Variants in LTBP2 observed in about 807,000 individuals in gnomAD.
LTBP2 encodes latent transforming growth factor beta binding protein 2, also known as latent-transforming growth factor beta-binding protein 2.
In LTBP2, 103 loss-of-function variants were observed where a neutral mutation model predicts 210.6. The observed-to-expected ratio is 0.49, with a 90% CI of 0.42 to 0.58. LTBP2 has a LOEUF of 0.58. LTBP2 is among the 20% of genes least tolerant of loss of function. LTBP2 has a pLI of 0.00. For missense variants in LTBP2, 2,313 were observed against 2,494.5 expected, an observed-to-expected ratio of 0.93 and a Z score of 1.55; for synonymous variants, 1,007 against 1,015.0, an observed-to-expected ratio of 0.99 and a Z score of 0.15.
At chr14:74,535,175 C>T (rs988542449) in intron 9 of LTBP2, among the ~76,000 whole-genome samples, 2 of 152,102 alleles carry the variant, frequency 1.3e-5, no homozygotes, top group African/African-American at 4.8e-5. Flanking sequence ...CTAGGAATCA[C>T]TTCTGCAGCC....
chr14:74,503,086 C>G lies in LTBP2; in HGVS notation c.4888+133G>C. 2.0e-6 allele frequency: 3 copies of G among 1,498,320 alleles called. No homozygotes were observed. The South Asian group carries it at 3.5e-5, about 17-fold the overall frequency. 92.8% of individuals were successfully genotyped at this position (1,498,320 alleles called of 1,614,324 possible). On this transcript the variant is annotated intron_variant, in intron 33 of 35. Coordinates refer to ENST00000261978, the MANE Select transcript of LTBP2 (RefSeq NM_000428.3). ...CACCTCTCCCCTGCCCTACTTTGTC[C>G]CCAAACAGCAGGGATGGAAGACAGG... is the stretch of plus-strand genomic sequence containing the variant.
chr14:74,528,677 G>C lies in LTBP2; in HGVS notation c.2174C>G (p.Pro725Arg), dbSNP rs759351792. The C allele has an allele frequency of 6.2e-7, 1 of 1,612,648 alleles. No homozygotes were observed. The highest frequency in any genetic ancestry group is 8.5e-7 in the Non-Finnish European group (1 of 1,180,030). ...CGCGTAGGTGTAGCCGTGGCCGGCA[G>C]GGCAGATCTCTCTGAAGGCCTCTGC... ...PGTEAFREIC[P>R]AGHGYTYASS... is the part of the protein sequence containing the mutation. The change falls in exon 12 of 36, where the codon CCT (proline) becomes CGT (arginine). Residue 725 changes from proline to arginine, a missense_variant. Around this residue, in one of 3 missense-constraint regions of LTBP2, gnomAD observed 1,867 missense variants for 1,976.9 expected, o/e 0.94. Coordinates refer to ENST00000261978, the MANE Select transcript of LTBP2 (RefSeq NM_000428.3).
Position 74,510,181 on chromosome 14 carries a change from C to T in LTBP2, c.3061G>A (p.Ala1021Thr), listed in dbSNP as rs1187058672. The T allele has an allele frequency of 6.2e-7, 1 of 1,614,030 alleles. No homozygotes were observed. The highest frequency in any genetic ancestry group is 8.5e-7 in the Non-Finnish European group (1 of 1,180,012). ...TCTAGGTTGGTGCACTTTCCATGGG[C>T]ACAGACCCCGGGAGTCAGACACTCA... ...VNECLTPGVC[A>T]HGKCTNLEGS... Residue 1021 changes from alanine (A) to threonine (T), a missense_variant, in exon 20 of 36, where the codon GCC becomes ACC. Transcript: ENST00000261978.
chr14:74,605,338 T>C (rs907823291), intron 1 of LTBP2, among the ~76,000 whole-genome samples: 3 of 152,188 alleles, frequency 2.0e-5, no homozygotes, highest in African/African-American at 7.2e-5. Flanking sequence ...ACTGCCTCCC[T>C]CCCAGGGAGC....
chr14:74,529,935 A>T (rs1352226955), intron 10 of LTBP2, among the ~76,000 whole-genome samples: 1 of 152,182 alleles, frequency 6.6e-6, no homozygotes, highest in Non-Finnish European at 1.5e-5. Context: ...AAAGTTTAGG[A>T]ATGAATGATT....
In LTBP2 at chr14:74,504,781, T is replaced by C. The variant is rs1171386382; in HGVS notation, c.4450A>G (p.Thr1484Ala). ...GAWTFGQTMY[T>A]DADECVIFGP... ...GGCAGAGGATGGAGCAGATTACCTG[T>C]GTACATGGTCTGTCCAAACGTCCAG... The change falls in exon 30 of 36, where the codon ACA (threonine) becomes GCA (alanine). Residue 1484 changes from threonine (T) to alanine (A), a missense_variant. Thr to Ala is a moderately conservative substitution (Grantham distance 58). Around this residue, in one of 3 missense-constraint regions of LTBP2, gnomAD observed 443 missense variants for 501.4 expected, o/e 0.88. Coordinates refer to ENST00000261978, the MANE Select transcript of LTBP2 (RefSeq NM_000428.3). 2 of 1,614,116 alleles carry C rather than the reference T, an allele frequency of 1.2e-6. No homozygotes were observed. The highest frequency in any genetic ancestry group is 2.2e-5 in the East Asian group (1 of 44,882).
chr14:74,555,813 C>T, intron 3 of LTBP2, 120 bp from the exon 4 acceptor site: 1 of 691,140 alleles, frequency 1.4e-6, no homozygotes, highest in Non-Finnish European at 2.2e-6. Flanking sequence ...GCTGCCTTCT[C>T]ACCCATGTAT....
intron 33 of LTBP2, 21 bp from the exon 34 acceptor site, chr14:74,502,955 A>G (rs2086930570): frequency 6.2e-7 from 1 of 1,609,000 alleles, no homozygotes. Context: ...GGAGGGAGAG[A>G]AGGAGCTGGG....
chr14:74,564,329 A>ATATT (rs2087867719), intron 3 of LTBP2, among the ~76,000 whole-genome samples: 1 of 11,558 alleles, frequency 8.7e-5, no homozygotes, highest in Non-Finnish European at 1.4e-4. Context: ...TTATATATAT[A>ATATT]TTTATATATA....
At chr14:74,511,096 A>G in intron 19 of LTBP2, 149 bp downstream of exon 19, 1 of 1,265,512 alleles carries the variant, frequency 7.9e-7, no homozygotes, top group Non-Finnish European at 1.1e-6. Flanking sequence ...ACTCATGCCC[A>G]GCGTCATCTG....
At chr14:74,509,015 G>A in intron 22 of LTBP2, 63 bp from the exon 23 acceptor site, 1 of 1,605,432 alleles carries the variant, frequency 6.2e-7, no homozygotes, top group Non-Finnish European at 8.5e-7. Flanking sequence ...CAGGAGTCAA[G>A]GGGGAAGTCT....
chr14:74,507,087 T>C (rs2087001618), intron 26 of LTBP2, 92 bp downstream of exon 26: 2 of 1,605,648 alleles, frequency 1.2e-6, no homozygotes, highest in Admixed American at 1.7e-5. Flanking sequence ...CTGCAAAAAA[T>C]CGTGTCCTCA....
In LTBP2 at chr14:74,551,195, G is replaced by C. The variant is rs745833353; in HGVS notation, c.1555C>G (p.Pro519Ala). The change falls in exon 7 of 36, where the codon CCT becomes GCT. Residue 519 changes from proline (P) to alanine (A), a missense_variant. Transcript: ENST00000261978. The stretch of plus-strand genomic sequence containing the variant: ...TTGCTGTCCCAGAGGCTGTGGCCAG[G>C]GCTGGCAGGCAGCCAGGGCGGGGGT... ...TRPPPWLPAS[P>A]GHSLWDSNNI... The C allele has an allele frequency of 2.5e-6, 4 of 1,613,682 alleles. No homozygotes were observed. In the East Asian group the frequency reaches 6.7e-5, roughly 27 times the overall value.
chr14:74,522,161 G>A (rs2087213237), intron 16 of LTBP2, 122 bp from the exon 17 acceptor site: 1 of 1,201,572 alleles, frequency 8.3e-7, no homozygotes, highest in Non-Finnish European at 1.2e-6. Context: ...GCAAGGAAGG[G>A]GTGAGGGAGT....
intron 19 of LTBP2, 137 bp downstream of exon 19, chr14:74,511,108 G>T: frequency 1.4e-6 from 2 of 1,402,580 alleles, no homozygotes; most frequent in Non-Finnish European, 2.0e-6. Context: ...CGTCATCTGG[G>T]AACCCAGCTA....
chr14:74,540,099 C>G (rs2087473494), intron 8 of LTBP2, among the ~76,000 whole-genome samples: 1 of 152,044 alleles, frequency 6.6e-6, no homozygotes, highest in Non-Finnish European at 1.5e-5. Flanking sequence ...CCTCAGCACC[C>G]CTCCTCACAC....
Position 74,586,014 on chromosome 14 carries a change from C to T in LTBP2, c.670G>A (p.Asp224Asn), listed in dbSNP as rs759603388. Residue 224 changes from aspartate (D) to asparagine (N), a missense_variant, in exon 3 of 36, where the codon GAT (aspartate) becomes AAT (asparagine). Transcript: ENST00000261978. This position sits in a 1 kb window ranked among gnomAD's most constrained non-coding sequence, Gnocchi z 4.6. ...GAGTTCTGGGGGTCAAATTCCTCATCGGGAATGACCTCCTCGCAGCGGGCT... is the reference window on the plus strand; with the variant it reads ...GAGTTCTGGGGGTCAAATTCCTCATTGGGAATGACCTCCTCGCAGCGGGCT... ...RGARCEEVIP[D>N]EEFDPQNSRL... The T allele has an allele frequency of 7.5e-6, 12 of 1,608,158 alleles. No homozygotes were observed. In the African/African-American group the frequency reaches 9.3e-5, roughly 13 times the overall value.
At chr14:74,520,475 A>G (rs2087187199) in intron 17 of LTBP2, among the ~76,000 whole-genome samples, 1 of 152,166 alleles carries the variant, frequency 6.6e-6, no homozygotes, top group South Asian at 2.1e-4. Context: ...AATGCTTGGG[A>G]CATTGCCAGC....
intron 14 of LTBP2, among the ~76,000 whole-genome samples, chr14:74,525,867 G>A (rs530958998): frequency 1.3e-5 from 2 of 152,326 alleles, no homozygotes; most frequent in Non-Finnish European, 2.9e-5. Flanking sequence ...AACTATCTGT[G>A]AAGCGTCATG....
Sources: gnomAD v4.1 joint callset for allele counts (sites outside exome capture counted in the v4.1 genomes callset) on GRCh38, gnomAD v4.1.1 for gene constraint, gnomAD v4.1.1 regional missense constraint, Gnocchi (gnomAD v3.1) non-coding constraint, MANE v1.5 for transcripts, NCBI Gene and HGNC (gene_info 2026-07-23, HGNC 2026-07-21) for gene names.